Variants in LRRD1 observed in about 807,000 individuals in gnomAD.
LRRD1 encodes the protein leucine-rich repeat and death domain-containing protein 1.
LRRD1 carries 49 observed loss-of-function variants against 69.5 expected under a neutral mutation model. The ratio of observed to expected loss-of-function variants is 0.70; its 90% CI spans 0.56 to 0.89. The LOEUF is 0.89. Ranked by LOEUF, LRRD1 falls within the 40% of genes least tolerant of loss-of-function variation. The pLI, the probability that LRRD1 is intolerant of heterozygous loss-of-function variation, is 0.00. For missense variants in LRRD1, 853 were observed against 956.0 expected, an observed-to-expected ratio of 0.89 and a Z score of 1.42; for synonymous variants, 303 against 338.9, an observed-to-expected ratio of 0.89 and a Z score of 1.16.
chr7:92,168,516 C>G (rs1788974562), intron 1 of LRRD1, among the ~76,000 whole-genome samples: 1 of 152,162 alleles, frequency 6.6e-6, no homozygotes, highest in Non-Finnish European at 1.5e-5. Context: ...GACATGAACT[C>G]CTACCTAGCC....
chr7:92,166,328 T>C (rs752553329), intron 1 of LRRD1, among the ~76,000 whole-genome samples: 1 of 152,240 alleles, frequency 6.6e-6, no homozygotes, highest in African/African-American at 2.4e-5. Context: ...TCTCCAGTAC[T>C]TGTCTAAGCA....
chr7:92,160,725 A>G (rs769894910), intron 2 of LRRD1, among the ~76,000 whole-genome samples: 9 of 152,206 alleles, frequency 5.9e-5, no homozygotes, highest in Non-Finnish European at 1.2e-4. Context: ...AGGCAGGAGA[A>G]TCACTTGAAC....
At chr7:92,176,959 TATAA>T (rs1789211571) in intron 1 of LRRD1, among the ~76,000 whole-genome samples, 1 of 148,650 alleles carries the variant, frequency 6.7e-6, no homozygotes. Flanking sequence ...TATATATATA[TATAA>T]AACAAGAATA....
downstream of LRRD1, chr7:92,142,400 A>C (rs867015413): frequency 1.1e-5 from 5 of 450,858 alleles, no homozygotes; most frequent in African/African-American, 1.0e-4. Context: ...CTTGGCATCC[A>C]GCTCTCGGCA....
chr7:92,150,473 TTAAAA>T (rs917942747), intron 4 of LRRD1, 56 bp downstream of exon 4: 12 of 1,382,346 alleles, frequency 8.7e-6, no homozygotes, highest in Admixed American at 8.2e-5. Context: ...TCCAAAAATA[TTAAAA>T]TAAAATAAAA....
chr7:92,150,711 T>A lies in LRRD1; in HGVS notation c.2117-16A>T, dbSNP rs1310502523. 1 of 1,491,946 alleles carries A rather than the reference T, an allele frequency of 6.7e-7. No homozygotes were observed. The highest frequency in any genetic ancestry group is 2.5e-5 in the East Asian group (1 of 40,564). 92.4% of individuals were successfully genotyped at this position (1,491,946 alleles called of 1,614,324 possible). ...AGATTATTTCCTAGTAGAAAAAAATTAGAATTGAATTACATCTTTCTATAA... is the reference window on the plus strand; with the variant it reads ...AGATTATTTCCTAGTAGAAAAAAATAAGAATTGAATTACATCTTTCTATAA... On this transcript the variant is annotated splice_polypyrimidine_tract_variant and intron_variant, in intron 3 of 5. Transcript: ENST00000458448.
intron 1 of LRRD1, among the ~76,000 whole-genome samples, chr7:92,178,257 G>A (rs1279046950): frequency 6.6e-6 from 1 of 152,148 alleles, no homozygotes; most frequent in African/African-American, 2.4e-5. Flanking sequence ...AGGTTGCGGT[G>A]AGCCGAGATC....
In LRRD1 at chr7:92,163,340, C is replaced by T. The variant is rs1031830096; in HGVS notation, c.1863G>A (p.Leu621=). 1.3e-6 allele frequency: 2 copies of T among 1,531,300 alleles called. No individual in the cohort carries two copies. The highest frequency in any genetic ancestry group is 8.8e-7 in the Non-Finnish European group (1 of 1,140,430). 94.9% of individuals were successfully genotyped at this position (1,531,300 alleles called of 1,614,324 possible). ...GCTGTTCCAGTGATTGAAGTTGGCA[C>T]AGTTCAATAGGAAAATGTATAAATT... The part of the protein sequence containing the change: ...SNQFIHFPIE[L]CQLQSLEQLN... Residue 621 remains leucine (L), a synonymous_variant, in exon 2 of 6, where the codon CTG becomes CTA. Coordinates refer to ENST00000458448, the MANE Select transcript of LRRD1 (RefSeq NM_001161528.2).
At chr7:92,177,863 C>A (rs372115455) in intron 1 of LRRD1, among the ~76,000 whole-genome samples, 2 of 152,112 alleles carry the variant, frequency 1.3e-5, no homozygotes, top group Admixed American at 1.3e-4. Context: ...GGGTGTTATT[C>A]TTTAAACAGC....
chr7:92,156,203 T>C (rs1268415508), intron 3 of LRRD1, among the ~76,000 whole-genome samples: 1 of 152,268 alleles, frequency 6.6e-6, no homozygotes, highest in Admixed American at 6.5e-5. Flanking sequence ...ACTGTCTTCA[T>C]GACTATAGTT....
intron 3 of LRRD1, among the ~76,000 whole-genome samples, chr7:92,151,438 T>C (rs1013400518): frequency 1.3e-5 from 2 of 152,200 alleles, no homozygotes; most frequent in African/African-American, 4.8e-5. Flanking sequence ...CAGAGATACC[T>C]CATATCCGCA....
chr7:92,150,391 G>T, intron 4 of LRRD1, 143 bp downstream of exon 4: 1 of 622,092 alleles, frequency 1.6e-6, no homozygotes, highest in Non-Finnish European at 2.5e-6. Context: ...CTTGAGCCCA[G>T]GAGTCCGAGG....
At chr7:92,166,758 A>G (rs915747470) in intron 1 of LRRD1, among the ~76,000 whole-genome samples, 2 of 152,254 alleles carry the variant, frequency 1.3e-5, no homozygotes, top group African/African-American at 4.8e-5. Flanking sequence ...CAAAGTAGGA[A>G]TAGATGGGAA....
At chr7:92,168,214 C>A (rs1426849570) in intron 1 of LRRD1, among the ~76,000 whole-genome samples, 1 of 152,126 alleles carries the variant, frequency 6.6e-6, no homozygotes, top group African/African-American at 2.4e-5. Context: ...ACCAAGCATA[C>A]AATTTTTTAT....
chr7:92,163,370 GC>G lies in LRRD1; in HGVS notation c.1832del (p.Ser611ThrfsTer20). ...CAATAGGAAAATGTATAAATTGATTGCTTGAGAAGTTTAATTTCTGGATTCC... is the reference window on the plus strand; with the variant it reads ...CAATAGGAAAATGTATAAATTGATTGTTGAGAAGTTTAATTTCTGGATTCC... ...LKGIQKLNFS[S>X]NQFIHFPIEL... On this transcript the variant is annotated frameshift_variant, in exon 2 of 6. Coordinates refer to ENST00000458448, the MANE Select transcript of LRRD1 (RefSeq NM_001161528.2). LOFTEE classifies it high-confidence loss of function. 2 of 1,545,558 alleles carry G rather than the reference GC, an allele frequency of 1.3e-6. No individual in the cohort carries two copies. Among genetic ancestry groups the G allele is most frequent in the East Asian group, 2.4e-5 (1 of 40,876 alleles).
chr7:92,150,406 A>G, intron 4 of LRRD1, 128 bp downstream of exon 4: 2 of 732,620 alleles, frequency 2.7e-6, no homozygotes, highest in Non-Finnish European at 4.1e-6. Context: ...CCGAGGCTGC[A>G]GTGAGTCGTG....
rs1322621223 is a variant in LRRD1, at chr7:92,163,641, T to C, written c.1562A>G (p.Lys521Arg). 1.3e-6 allele frequency: 2 copies of C among 1,509,308 alleles called. No individual in the cohort carries two copies. Among genetic ancestry groups the C allele is most frequent in the African/African-American group, 1.4e-5 (1 of 70,624 alleles). The allele number at this position is 1,509,308 out of a possible 1,614,324, so 93.5% of individuals were successfully genotyped here. Residue 521 changes from lysine to arginine, a missense_variant, in exon 2 of 6, where the codon AAA (lysine) becomes AGA (arginine). By Grantham distance (26) the Lys-to-Arg change is conservative. This residue lies in a region of LRRD1 where 739 missense variants were observed against 808.0 expected (regional missense o/e 0.91). Coordinates refer to ENST00000458448, the MANE Select transcript of LRRD1 (RefSeq NM_001161528.2). Reference protein sequence around the residue: ...QLLHLELSENKLLIFSEHFCS... With the variant: ...QLLHLELSENRLLIFSEHFCS... ...AAAGTGCTCAGAAAATATGAGGAGT[T>C]TGTTTTCACTCAATTCTAAATGAAG...
At chr7:92,158,126 C>A (rs982786568) in intron 3 of LRRD1, among the ~76,000 whole-genome samples, 3 of 152,024 alleles carry the variant, frequency 2.0e-5, no homozygotes, top group African/African-American at 7.2e-5. Context: ...CACATTATAC[C>A]AAGGTTGGTC....
chr7:92,159,219 C>T lies in LRRD1; in HGVS notation c.1918-16G>A, dbSNP rs116388730. On this transcript the variant is annotated splice_polypyrimidine_tract_variant and intron_variant, in intron 2 of 5. Coordinates refer to ENST00000458448, the MANE Select transcript of LRRD1 (RefSeq NM_001161528.2). ...GTCTTGTTAGCTGTAACAAAGATTA[C>T]ACAATTATACATTTATAAATACATA... 2,270 of 1,391,084 alleles carry T rather than the reference C, an allele frequency of 1.6e-3. 20 individuals are homozygous for T. The East Asian group carries it at 0.021, about 13-fold the overall frequency. The allele number at this position is 1,391,084 out of a possible 1,614,324, so 86.2% of individuals were successfully genotyped here.
Sources: allele counts gnomAD v4.1 joint callset (sites outside exome capture counted in the v4.1 genomes callset), GRCh38; gene constraint gnomAD v4.1.1; regional missense constraint gnomAD v4.1.1; transcripts MANE v1.5; gene names NCBI Gene and HGNC (gene_info 2026-07-23, HGNC 2026-07-21).